IGF2R: variants seen among roughly 807,000 people sequenced by gnomAD.
The protein encoded by IGF2R is insulin like growth factor 2 receptor.
A neutral mutation model predicts 270.6 loss-of-function variants in IGF2R; 91 were observed. The observed-to-expected ratio is 0.34, with a 90% confidence interval of 0.28 to 0.40. The LOEUF (loss-of-function observed/expected upper bound fraction) is 0.40, where lower values mean the gene tolerates loss of function less well. IGF2R is among the 10% of genes least tolerant of loss of function. The probability of loss-of-function intolerance (pLI) is 1.00; values close to 1 mark genes in which losing one functional copy is unlikely to be tolerated. For missense variants in IGF2R, 2,805 were observed against 3,188.3 expected, an observed-to-expected ratio of 0.88 and a Z score of 2.90; for synonymous variants, 1,316 against 1,258.9, an observed-to-expected ratio of 1.05 and a Z score of -0.96.
At position 160,090,266 on chromosome 6, in the gene IGF2R, C is replaced by T. The variant is rs182159886; in HGVS notation, c.6655+163C>T. ...ATGAATTTCTTGACAGTGGATTGAG[C>T]GATACGTGTCAGAACTAAGCATTTC... On this transcript the variant is annotated intron_variant, in intron 44 of 47. Coordinates refer to ENST00000356956, the MANE Select transcript of IGF2R (RefSeq NM_000876.4). 2.0e-4 allele frequency: 97 copies of T among 487,598 alleles called. 1 individual carries two copies. Among genetic ancestry groups the T allele is most frequent in the African/African-American group, 1.6e-3 (79 of 49,842 alleles). 30.2% of individuals were successfully genotyped at this position (487,598 alleles called of 1,614,324 possible). A position where few individuals can be genotyped will look rare whatever the true frequency, so the allele number is the denominator to read the frequency against.
chr6:159,989,315 G>A (rs1235370417), intron 1 of IGF2R, among the ~76,000 whole-genome samples: 5 of 152,140 alleles, frequency 3.3e-5, no homozygotes, highest in African/African-American at 7.2e-5. Context: ...AGGAGGGCAC[G>A]TGGGGGGGCC....
chr6:160,055,882 A>T (rs1261591911), intron 19 of IGF2R, among the ~76,000 whole-genome samples: 2 of 152,054 alleles, frequency 1.3e-5, no homozygotes, highest in Non-Finnish European at 2.9e-5. Flanking sequence ...TTTTATGGAA[A>T]CATACACACC....
At chr6:160,013,258 G>A (rs988041086) in intron 4 of IGF2R, among the ~76,000 whole-genome samples, 14 of 151,936 alleles carry the variant, frequency 9.2e-5, no homozygotes, top group African/African-American at 2.7e-4. Flanking sequence ...ACAGCCCATG[G>A]TTCAAAGCCT....
chr6:159,986,430 GTTTT>G (rs5741634), intron 1 of IGF2R, among the ~76,000 whole-genome samples: 26 of 116,880 alleles, frequency 2.2e-4, no homozygotes, highest in African/African-American at 6.6e-4. Context: ...GTGTGTGTGT[GTTTT>G]TTTTTTTTTT....
Position 160,029,615 on chromosome 6 carries a change from C to T in IGF2R, c.842C>T (p.Ala281Val), listed in dbSNP as rs919932123. ...GACTTTTGTGATGGTCACAGCCCTG[C>T]GGTGACTATTACATTTGTTTGCCCG... is the stretch of plus-strand genomic sequence containing the variant. Reference protein sequence around the residue: ...KLDFCDGHSPAVTITFVCPSE... With the variant: ...KLDFCDGHSPVVTITFVCPSE... The change falls in exon 7 of 48, where the codon GCG becomes GTG. Residue 281 changes from alanine to valine, a missense_variant. Physicochemically the swap from Ala to Val is moderately conservative, Grantham distance 64. This residue lies in a region of IGF2R where 954 missense variants were observed against 981.1 expected (regional missense o/e 0.97). Transcript: ENST00000356956. 25 of 1,613,844 alleles carry T rather than the reference C, an allele frequency of 1.5e-5. No individual in the cohort carries two copies. The highest frequency in any genetic ancestry group is 4.5e-5 in the East Asian group (2 of 44,890).
chr6:160,063,492 G>C lies in IGF2R; in HGVS notation c.3748G>C (p.Val1250Leu). The change falls in exon 27 of 48, where the codon GTG (valine) becomes CTG (leucine). Residue 1250 changes from valine to leucine, a missense_variant. This residue lies in a region of IGF2R where 1,851 missense variants were observed against 2,207.2 expected (regional missense o/e 0.84). Coordinates refer to ENST00000356956, the MANE Select transcript of IGF2R (RefSeq NM_000876.4). ...LKPLGLNDTI[V>L]SAGEYTYYFR... ...GCCCCTGGGCCTCAACGACACCATCGTGAGCGCTGGCGAATACACTTATTA... is the reference window on the plus strand; with the variant it reads ...GCCCCTGGGCCTCAACGACACCATCCTGAGCGCTGGCGAATACACTTATTA... 6.2e-7 allele frequency: 1 copy of C among 1,613,914 alleles called. No homozygotes were observed. Among genetic ancestry groups the C allele is most frequent in the Non-Finnish European group, 8.5e-7 (1 of 1,180,028 alleles).
Position 160,046,580 on chromosome 6 carries a change from T to C in IGF2R, c.1986T>C (p.Asn662=). ...CAAAGAAGTATGACTTTTATATAAA[T>C]GTGTGTGGCCCGGTGTCTGTGAGCC... ...VETKKYDFYI[N]VCGPVSVSPC... is the part of the protein sequence containing the mutation. The change falls in exon 15 of 48, where the codon AAT becomes AAC. Residue 662 remains asparagine (N), a synonymous_variant. Coordinates refer to ENST00000356956, the MANE Select transcript of IGF2R (RefSeq NM_000876.4). The C allele has an allele frequency of 6.2e-7, 1 of 1,614,000 alleles. No homozygotes were observed. The highest frequency in any genetic ancestry group is 1.1e-5 in the South Asian group (1 of 91,060).
intron 1 of IGF2R, among the ~76,000 whole-genome samples, chr6:159,980,270 C>G (rs1393805441): frequency 6.6e-6 from 1 of 150,378 alleles, no homozygotes; most frequent in Admixed American, 6.6e-5. Flanking sequence ...CTTGGATTGC[C>G]TTAGGGAACT....
intron 11 of IGF2R, among the ~76,000 whole-genome samples, chr6:160,041,687 A>T (rs1777950211): frequency 6.6e-6 from 1 of 152,192 alleles, no homozygotes; most frequent in Non-Finnish European, 1.5e-5. Context: ...GGTTAGAAAG[A>T]GGAATCCCTC....
chr6:160,100,723 C>A, intron 45 of IGF2R, among the ~76,000 whole-genome samples: 3 of 43,432 alleles, frequency 6.9e-5, no homozygotes, highest in Non-Finnish European at 1.4e-4. Flanking sequence ...CAGCAATTTC[C>A]CTTTTTTTTT....
intron 7 of IGF2R, 58 bp downstream of exon 7, chr6:160,029,713 C>A: frequency 7.9e-7 from 1 of 1,261,348 alleles, no homozygotes; most frequent in Non-Finnish European, 1.2e-6. Context: ...GTTGCCCATG[C>A]GAACGCGTTT....
At chr6:160,073,690 A>T in intron 34 of IGF2R, 67 bp from the exon 35 acceptor site, 1 of 1,321,740 alleles carries the variant, frequency 7.6e-7, no homozygotes. Context: ...TTAAATTCTT[A>T]TGGATGACCT....
At chr6:160,081,015 A>G (rs564006709) in intron 39 of IGF2R, among the ~76,000 whole-genome samples, 1 of 151,248 alleles carries the variant, frequency 6.6e-6, no homozygotes, top group South Asian at 2.1e-4. Context: ...AGTCCCAGCT[A>G]CTGGGGAGGC....
intron 15 of IGF2R, 69 bp downstream of exon 15, chr6:160,046,714 G>A: frequency 6.7e-7 from 1 of 1,503,576 alleles, no homozygotes. Context: ...TTCAGGAATA[G>A]GTGTGTTCTC....
intron 1 of IGF2R, among the ~76,000 whole-genome samples, chr6:159,971,019 A>G (rs894055283): frequency 2.0e-5 from 3 of 152,340 alleles, no homozygotes; most frequent in Non-Finnish European, 2.9e-5. Context: ...TCGAGGTTGC[A>G]GTGAGTTGTG....
At chr6:160,000,966 A>G (rs1325550030) in intron 2 of IGF2R, among the ~76,000 whole-genome samples, 1 of 151,546 alleles carries the variant, frequency 6.6e-6, no homozygotes, top group Non-Finnish European at 1.5e-5. Flanking sequence ...TGAACTCCTG[A>G]CCTCAAGTGA....
chr6:160,064,011 C>T lies in IGF2R; in HGVS notation c.3886+381C>T, dbSNP rs945996849. Among the ~76,000 whole-genome samples the T allele has an allele frequency of 5.9e-5, 9 of 152,298 alleles. No homozygotes were observed. In the East Asian group the frequency reaches 9.6e-4, roughly 16 times the overall value. ...GTTTGGCTGTAGAAATTACAGGGCA[C>T]GCTGTTGGTCATTCATGCTGTTTCA... is the stretch of plus-strand genomic sequence containing the variant. On this transcript the variant is annotated intron_variant, in intron 27 of 47. Transcript: ENST00000356956.
intron 3 of IGF2R, 65 bp from the exon 4 acceptor site, chr6:160,010,622 T>A (rs1784318826): frequency 1.9e-6 from 2 of 1,053,190 alleles, no homozygotes; most frequent in Non-Finnish European, 2.9e-6. Context: ...TGCATTCTCA[T>A]TTTAAAGAAG....
intron 37 of IGF2R, among the ~76,000 whole-genome samples, chr6:160,079,201 C>T (rs757535737): frequency 4.6e-5 from 7 of 152,194 alleles, no homozygotes; most frequent in Admixed American, 1.3e-4. Context: ...CAGCGTGCAG[C>T]GTCGGCTCTG....
Sources: gnomAD v4.1 joint callset for allele counts (sites outside exome capture counted in the v4.1 genomes callset) on GRCh38, gnomAD v4.1.1 for gene constraint, gnomAD v4.1.1 regional missense constraint, MANE v1.5 for transcripts, NCBI Gene and HGNC (gene_info 2026-07-23, HGNC 2026-07-21) for gene names.